Variants in MEOX2 observed in about 807,000 individuals in gnomAD.
MEOX2 encodes homeobox protein MOX-2.
Under a neutral mutation model 27.0 loss-of-function variants are expected in MEOX2, and 11 were observed. The ratio of observed to expected loss-of-function variants is 0.41; its 90% CI spans 0.26 to 0.68. The LOEUF (loss-of-function observed/expected upper bound fraction) is 0.68. Ranked by LOEUF, MEOX2 falls within the 30% of genes least tolerant of loss-of-function variation. The pLI, the probability that MEOX2 is intolerant of heterozygous loss-of-function variation, is 0.33. For synonymous variants in MEOX2, 189 were observed against 155.4 expected (o/e 1.22, Z -1.61); for missense variants, 436 against 385.4 (o/e 1.13, Z -1.10).
intron 1 of MEOX2, among the ~76,000 whole-genome samples, chr7:15,657,125 T>C (rs1329033126): frequency 6.6e-6 from 1 of 152,200 alleles, no homozygotes; most frequent in African/African-American, 2.4e-5. Context: ...TTATTTTCTT[T>C]GTCTTTAGTT....
chr7:15,685,968 C>A lies in MEOX2; in HGVS notation c.435G>T (p.Ala145=), dbSNP rs1178565718. Reference sequence around the variant, plus strand: ...GTGCCTGGCGGCCGTAGTCCCCCGGCGCGCACGCGGCCCCAGTCGGGGTGC... The same window carrying A: ...GTGCCTGGCGGCCGTAGTCCCCCGGAGCGCACGCGGCCCCAGTCGGGGTGC... ...GSSTPTGAAC[A]PGDYGRQALS... Residue 145 remains alanine, a synonymous_variant, in exon 1 of 3, where the codon GCG becomes GCT. Coordinates refer to ENST00000262041, the MANE Select transcript of MEOX2 (RefSeq NM_005924.5). 2 of 1,610,974 alleles carry A rather than the reference C, an allele frequency of 1.2e-6. No individual in the cohort carries two copies. Among genetic ancestry groups the A allele is most frequent in the African/African-American group, 1.3e-5 (1 of 75,038 alleles).
intron 1 of MEOX2, among the ~76,000 whole-genome samples, chr7:15,628,621 A>T (rs1781353512): frequency 6.6e-6 from 1 of 152,120 alleles, no homozygotes; most frequent in African/African-American, 2.4e-5. Flanking sequence ...TGCACTTTAT[A>T]GAAAGCCACT....
At chr7:15,623,259 A>G (rs1781247855) in intron 2 of MEOX2, among the ~76,000 whole-genome samples, 1 of 152,234 alleles carries the variant, frequency 6.6e-6, no homozygotes, top group Non-Finnish European at 1.5e-5. Context: ...CTGACCTTCA[A>G]GAATAGCAAA....
intron 1 of MEOX2, among the ~76,000 whole-genome samples, chr7:15,674,684 G>GT (rs1782164071): frequency 6.6e-6 from 1 of 151,878 alleles, no homozygotes; most frequent in Non-Finnish European, 1.5e-5. Flanking sequence ...TGAGAGTCTT[G>GT]TAAGAACTAA....
chr7:15,626,889 C>G lies in MEOX2; in HGVS notation c.547G>C (p.Val183Leu), dbSNP rs779485604. The change falls in exon 2 of 3, where the codon GTC (valine) becomes CTC (leucine). Residue 183 changes from valine (V) to leucine (L), a missense_variant. By Grantham distance (32) the Val-to-Leu change is conservative (BLOSUM62 1). Coordinates refer to ENST00000262041, the MANE Select transcript of MEOX2 (RefSeq NM_005924.5). ...DSQEGNYKSE[V>L]NSKPRKERTA... ...CTTTCTTTCCTGGGTTTGCTGTTGA[C>G]TTCTGACTTGTAATTTCCTTCCTGG... 5 of 1,611,802 alleles carry G rather than the reference C, an allele frequency of 3.1e-6. No individual in the cohort carries two copies. The highest frequency in any genetic ancestry group is 4.2e-6 in the Non-Finnish European group (5 of 1,179,200).
chr7:15,615,094 A>G (rs1237297109), intron 2 of MEOX2, among the ~76,000 whole-genome samples: 1 of 152,148 alleles, frequency 6.6e-6, no homozygotes, highest in East Asian at 1.9e-4. Context: ...GTGTTCACAT[A>G]TTATTATTAC....
intron 1 of MEOX2, among the ~76,000 whole-genome samples, chr7:15,682,732 T>A (rs867145622): frequency 9.9e-5 from 15 of 151,920 alleles, no homozygotes; most frequent in African/African-American, 3.6e-4. Flanking sequence ...CCAAATGTAA[T>A]TGAAGCCAAG....
At chr7:15,614,557 C>A (rs184778403) in intron 2 of MEOX2, among the ~76,000 whole-genome samples, 1 of 152,068 alleles carries the variant, frequency 6.6e-6, no homozygotes, top group East Asian at 1.9e-4. Context: ...ATTAAATAAC[C>A]CAGCTTTTTT....
intron 2 of MEOX2, among the ~76,000 whole-genome samples, chr7:15,623,339 C>G (rs1433117039): frequency 2.6e-5 from 4 of 152,088 alleles, no homozygotes; most frequent in African/African-American, 9.7e-5. Context: ...CCAGAAAATA[C>G]AATATAACTT....
chr7:15,662,946 C>G (rs1044881185), intron 1 of MEOX2, among the ~76,000 whole-genome samples: 3 of 152,036 alleles, frequency 2.0e-5, no homozygotes, highest in Non-Finnish European at 4.4e-5. Context: ...TTACCAATAC[C>G]CTGGGAACAG....
rs762144203 is a variant in MEOX2, at chr7:15,685,990, G to A, written c.413C>T (p.Thr138Ile). Reference protein sequence around the residue: ...CSNSSSLGSSTPTGAACAPGD... With the variant: ...CSNSSSLGSSIPTGAACAPGD... ...CGGCGCGCACGCGGCCCCAGTCGGG[G>A]TGCTGGAGCCCAAGCTGGAAGAGTT... The change falls in exon 1 of 3, where the codon ACC becomes ATC. Residue 138 changes from threonine (T) to isoleucine (I), a missense_variant. Physicochemically the swap from Thr to Ile is moderately conservative, Grantham distance 89. Coordinates refer to ENST00000262041, the MANE Select transcript of MEOX2 (RefSeq NM_005924.5). 60 of 1,609,840 alleles carry A rather than the reference G, an allele frequency of 3.7e-5. No homozygotes were observed. The highest frequency in any genetic ancestry group is 5.1e-5 in the Non-Finnish European group (60 of 1,179,816).
At chr7:15,681,976 C>T (rs1782298489) in intron 1 of MEOX2, 1 of 151,672 alleles carries the variant, frequency 6.6e-6, no homozygotes, top group Non-Finnish European at 1.5e-5. Context: ...CATTTTAATT[C>T]TAAAGGAATT....
At chr7:15,683,083 A>G (rs1308549071) in intron 1 of MEOX2, among the ~76,000 whole-genome samples, 2 of 152,024 alleles carry the variant, frequency 1.3e-5, no homozygotes, top group Non-Finnish European at 2.9e-5. Context: ...AGTGCATAAA[A>G]TATATGCTAG....
chr7:15,616,599 G>A (rs1299431354), intron 2 of MEOX2, among the ~76,000 whole-genome samples: 1 of 151,664 alleles, frequency 6.6e-6, no homozygotes, highest in Non-Finnish European at 1.5e-5. Flanking sequence ...AAAACTTTTA[G>A]TTTTTGTTTT....
Position 15,667,289 on chromosome 7 carries a change from C to CA in MEOX2, c.517+18596dup, listed in dbSNP as rs532691969. Reference sequence around the variant, plus strand: ...CTGGCAACAGAGTGAGACTCTGTCTCAAAAAAAAAAAAAAAAAAAAAAAGT... The same window carrying CA: ...CTGGCAACAGAGTGAGACTCTGTCTCAAAAAAAAAAAAAAAAAAAAAAAAGT... On this transcript the variant is annotated intron_variant, in intron 1 of 2. Transcript: ENST00000262041. Among the ~76,000 whole-genome samples the CA allele has an allele frequency of 5.8e-3, 236 of 40,890 alleles. 14 individuals carry two copies. The highest frequency in any genetic ancestry group is 0.014 in the African/African-American group (142 of 10,052). The allele number at this position is 40,890 out of a possible 152,430, so 26.8% of individuals were successfully genotyped here.
At chr7:15,682,380 G>A (rs1782307469) in intron 1 of MEOX2, among the ~76,000 whole-genome samples, 1 of 151,720 alleles carries the variant, frequency 6.6e-6, no homozygotes, top group Non-Finnish European at 1.5e-5. Context: ...CTTATTAAAT[G>A]TAATATTTGC....
intron 1 of MEOX2, among the ~76,000 whole-genome samples, chr7:15,659,310 A>T (rs904009863): frequency 1.6e-4 from 24 of 152,208 alleles, no homozygotes; most frequent in African/African-American, 5.1e-4. Flanking sequence ...TTTTGCAACC[A>T]ATTTTCATAT....
In MEOX2 at chr7:15,614,273, T is replaced by C. The variant is rs895279012; in HGVS notation, c.691-1662A>G. Among the ~76,000 whole-genome samples the C allele has an allele frequency of 2.7e-5, 4 of 149,616 alleles. No homozygotes were observed. In the Admixed American group the frequency reaches 2.7e-4, roughly 10 times the overall value. On this transcript the variant is annotated intron_variant, in intron 2 of 2. Coordinates refer to ENST00000262041, the MANE Select transcript of MEOX2 (RefSeq NM_005924.5). Reference sequence around the variant, plus strand: ...ATAAAATAAAATAAAATTAGGTGGGTGGGATGGCATAGTGCCTGTAGTCCC... The same window carrying C: ...ATAAAATAAAATAAAATTAGGTGGGCGGGATGGCATAGTGCCTGTAGTCCC...
chr7:15,646,622 C>A (rs945405811), intron 1 of MEOX2, among the ~76,000 whole-genome samples: 2 of 151,886 alleles, frequency 1.3e-5, no homozygotes, highest in African/African-American at 2.4e-5. Flanking sequence ...AAAATGTCTT[C>A]TTAAAAGAAA....
Sources: allele counts gnomAD v4.1 joint callset (sites outside exome capture counted in the v4.1 genomes callset), GRCh38; gene constraint gnomAD v4.1.1; transcripts MANE v1.5; gene names NCBI Gene and HGNC (gene_info 2026-07-23, HGNC 2026-07-21).